The following ANKFN1 variants were observed in gnomAD, a reference collection of about 807,000 sequenced individuals.
ANKFN1 encodes the protein ankyrin repeat and fibronectin type-III domain-containing protein 1.
In ANKFN1, 74 loss-of-function variants were observed where a neutral mutation model predicts 108.7. The ratio of observed to expected loss-of-function variants is 0.68; its 90% confidence interval spans 0.56 to 0.83. The LOEUF (loss-of-function observed/expected upper bound fraction) is 0.83. ANKFN1 is among the 40% of genes least tolerant of loss of function. ANKFN1 has a pLI of 0.00. For synonymous variants in ANKFN1, 547 were observed against 516.2 expected (o/e 1.06, Z -0.81); for missense variants, 1,505 against 1,382.3 (o/e 1.09, Z -1.41).
intron 1 of ANKFN1, among the ~76,000 whole-genome samples, chr17:56,183,077 C>T (rs1349973964): frequency 1.3e-5 from 2 of 152,206 alleles, no homozygotes; most frequent in African/African-American, 2.4e-5. Context: ...TGCAGCTCAT[C>T]ATCCAAGAGC....
chr17:56,382,425 C>T (rs954561737), intron 8 of ANKFN1, among the ~76,000 whole-genome samples: 322 of 152,204 alleles, frequency 2.1e-3, no homozygotes, highest in Admixed American at 5.7e-3. Context: ...CATCAACTAA[C>T]GAGCAAAATC....
intron 3 of ANKFN1, among the ~76,000 whole-genome samples, chr17:56,275,950 T>C (rs2043920262): frequency 6.6e-6 from 1 of 152,172 alleles, no homozygotes; most frequent in South Asian, 2.1e-4. Context: ...TCATGTTGGC[T>C]TGCCGCACCC....
At chr17:56,220,202 GC>G (rs1433438866) in intron 2 of ANKFN1, among the ~76,000 whole-genome samples, 3 of 152,190 alleles carry the variant, frequency 2.0e-5, no homozygotes, top group Non-Finnish European at 4.4e-5. Context: ...TCACTCTCAT[GC>G]TTAATACAAT....
chr17:56,298,143 A>T (rs2044567081), intron 3 of ANKFN1, among the ~76,000 whole-genome samples: 1 of 152,200 alleles, frequency 6.6e-6, no homozygotes, highest in African/African-American at 2.4e-5. Flanking sequence ...GTGTTTTAAT[A>T]GCCAAGTGAA....
At chr17:56,138,814 A>G (rs1313099726) in intron 4 of ANKFN1, among the ~76,000 whole-genome samples, 3 of 152,032 alleles carry the variant, frequency 2.0e-5, no homozygotes, top group Admixed American at 1.3e-4. Context: ...CCCAGCCACA[A>G]CACTCAACTT....
At chr17:56,226,169 A>C (rs112382695) in intron 2 of ANKFN1, among the ~76,000 whole-genome samples, 4 of 152,272 alleles carry the variant, frequency 2.6e-5, no homozygotes, top group African/African-American at 9.6e-5. Context: ...ACAGTGTTCC[A>C]GTTAGTGCCA....
At chr17:56,267,859 A>G (rs2144159120) in intron 3 of ANKFN1, among the ~76,000 whole-genome samples, 1 of 151,854 alleles carries the variant, frequency 6.6e-6, no homozygotes, top group South Asian at 2.1e-4. Context: ...TTCACTTAGG[A>G]TTGCTTTGGC....
intron 6 of ANKFN1, among the ~76,000 whole-genome samples, chr17:56,359,045 G>A (rs1263215270): frequency 1.3e-5 from 2 of 152,160 alleles, no homozygotes; most frequent in African/African-American, 4.8e-5. Flanking sequence ...TTTGCCTATT[G>A]TGTACAAATC....
In ANKFN1 at chr17:56,080,197, C is replaced by T. The variant is rs931242599; in HGVS notation, c.288+33872C>T. On this transcript the variant is annotated intron_variant, in intron 4 of 12. Coordinates refer to the ANKFN1 transcript ENST00000635860. ...CATGATGCTGAAGTCCAAATTAGGACCATACAGTCTTTTCAGAGAGCAATT... is the reference window on the plus strand; with the variant it reads ...CATGATGCTGAAGTCCAAATTAGGATCATACAGTCTTTTCAGAGAGCAATT... Among the ~76,000 whole-genome samples, 10 of 152,290 alleles carry T rather than the reference C, an allele frequency of 6.6e-5. 1 individual carries two copies. The highest frequency in any genetic ancestry group is 6.5e-4 in the Admixed American group (10 of 15,294).
chr17:56,456,692 G>T (rs111567631), intron 11 of ANKFN1, among the ~76,000 whole-genome samples, 169 bp from the exon 12 acceptor site: 15 of 151,830 alleles, frequency 9.9e-5, no homozygotes, highest in Non-Finnish European at 1.8e-4. Flanking sequence ...CACCGTGCCC[G>T]GCTACAAGAG....
At chr17:56,363,626 T>A (rs1051958629) in intron 6 of ANKFN1, among the ~76,000 whole-genome samples, 6 of 152,210 alleles carry the variant, frequency 3.9e-5, no homozygotes, top group Non-Finnish European at 8.8e-5. Context: ...CACTTCCATG[T>A]TCACTGCAGC....
chr17:56,155,740 T>C (rs1205646299), intron 1 of ANKFN1, among the ~76,000 whole-genome samples: 1 of 152,122 alleles, frequency 6.6e-6, no homozygotes, highest in Non-Finnish European at 1.5e-5. Context: ...GGTCAGAAGG[T>C]TGGAGTGAGA....
intron 4 of ANKFN1, among the ~76,000 whole-genome samples, chr17:56,046,846 T>A (rs1274149966): frequency 6.6e-6 from 1 of 152,218 alleles, no homozygotes; most frequent in East Asian, 1.9e-4. Flanking sequence ...CAATGTTGAA[T>A]GTGTTCAAAG....
chr17:56,141,541 C>G (rs2143394579), intron 4 of ANKFN1, among the ~76,000 whole-genome samples: 1 of 152,262 alleles, frequency 6.6e-6, no homozygotes, highest in South Asian at 2.1e-4. Flanking sequence ...TCCAAAGCCA[C>G]ACATAAATAA....
intron 19 of ANKFN1, among the ~76,000 whole-genome samples, chr17:56,497,424 G>C (rs553806958): frequency 2.0e-5 from 3 of 152,106 alleles, no homozygotes; most frequent in Admixed American, 2.0e-4. Flanking sequence ...AGGGGAAAAC[G>C]GCTGTAAGAC....
At chr17:56,336,401 T>C (rs1261512304) in intron 4 of ANKFN1, among the ~76,000 whole-genome samples, 2 of 152,186 alleles carry the variant, frequency 1.3e-5, no homozygotes, top group African/African-American at 4.8e-5. Context: ...TCAGAGTCTG[T>C]TATTGGTCTA....
chr17:56,312,041 A>G (rs1465428409), intron 3 of ANKFN1, among the ~76,000 whole-genome samples: 2 of 152,194 alleles, frequency 1.3e-5, no homozygotes, highest in Non-Finnish European at 2.9e-5. Flanking sequence ...AGAAAGAGCC[A>G]TTCCTAAATA....
intron 8 of ANKFN1, among the ~76,000 whole-genome samples, chr17:56,422,010 T>G (rs1485904629): frequency 6.6e-6 from 1 of 152,180 alleles, no homozygotes; most frequent in African/African-American, 2.4e-5. Context: ...TCACCTGTAT[T>G]TTTATCCCTC....
At chr17:56,147,912 G>T (rs979821790) in intron 4 of ANKFN1, among the ~76,000 whole-genome samples, 6 of 152,132 alleles carry the variant, frequency 3.9e-5, no homozygotes, top group Non-Finnish European at 8.8e-5. Context: ...AATAAGGGTG[G>T]CTACCCTCTG....
Sources: allele counts gnomAD v4.1 joint callset (sites outside exome capture counted in the v4.1 genomes callset), GRCh38; gene constraint gnomAD v4.1.1; transcripts MANE v1.5; gene names NCBI Gene and HGNC (gene_info 2026-07-23, HGNC 2026-07-21).